The following CACHD1 variants were observed in gnomAD, a reference collection of about 807,000 sequenced individuals.
The protein encoded by CACHD1 is VWFA and cache domain-containing protein 1.
CACHD1 carries 71 observed loss-of-function variants against 138.7 expected under a neutral mutation model. The observed-to-expected ratio is 0.51, with a 90% confidence interval of 0.42 to 0.62. CACHD1 has a LOEUF of 0.62. CACHD1 is among the 20% of genes least tolerant of loss of function. CACHD1 has a pLI of 0.00. For missense variants in CACHD1, 1,389 were observed against 1,625.3 expected (o/e 0.85, Z 2.50); for synonymous variants, 578 against 591.5 (o/e 0.98, Z 0.33).
rs116480305 is a variant in CACHD1 at position 64,545,930 on chromosome 1, A to G, written c.199-4664A>G. 7.5e-3 allele frequency among the ~76,000 whole-genome samples: 1,140 copies of G among 152,344 alleles called. 20 individuals are homozygous for G. Among genetic ancestry groups the G allele is most frequent in the African/African-American group, 0.026 (1,086 of 41,568 alleles). Reference sequence around the variant, plus strand: ...TAAATGTAACAGAAGATTCTGTGAAATGTTTCTATTTAAAATAACATTTTA... The same window carrying G: ...TAAATGTAACAGAAGATTCTGTGAAGTGTTTCTATTTAAAATAACATTTTA... On this transcript the variant is annotated intron_variant, in intron 1 of 26. Transcript: ENST00000651257.
intron 1 of CACHD1, among the ~76,000 whole-genome samples, chr1:64,509,401 A>G (rs1276171553): frequency 6.6e-6 from 1 of 152,130 alleles, no homozygotes; most frequent in Non-Finnish European, 1.5e-5. Context: ...GAATTGATGA[A>G]AGAGCACCAT....
At chr1:64,658,917 C>A in intron 13 of CACHD1, 44 bp downstream of exon 13, 2 of 1,463,608 alleles carry the variant, frequency 1.4e-6, no homozygotes, top group South Asian at 1.4e-5. Flanking sequence ...CTTAGCAGCT[C>A]ACTGTAAATA....
At chr1:64,559,786 T>G (rs1451342690) in intron 2 of CACHD1, among the ~76,000 whole-genome samples, 1 of 152,216 alleles carries the variant, frequency 6.6e-6, no homozygotes, top group Non-Finnish European at 1.5e-5. Context: ...GGACCTGATA[T>G]TTTCTCTGCG....
Position 64,663,353 on chromosome 1 carries a change from C to T in CACHD1, c.1952-342C>T, listed in dbSNP as rs559782527. On this transcript the variant is annotated intron_variant, in intron 13 of 26. Coordinates refer to ENST00000651257, the MANE Select transcript of CACHD1 (RefSeq NM_020925.4). ...GGATCACGAGGTCAGGAGATCGAGA[C>T]CATCCTGGCTAACACGGTGAAACCC... is the stretch of plus-strand genomic sequence containing the variant. 3.3e-5 allele frequency among the ~76,000 whole-genome samples: 5 copies of T among 152,160 alleles called. No individual in the cohort carries two copies. In the South Asian group the frequency reaches 1.0e-3, roughly 32 times the overall value.
intron 1 of CACHD1, among the ~76,000 whole-genome samples, chr1:64,510,381 G>A (rs1043523428): frequency 1.3e-5 from 2 of 152,182 alleles, no homozygotes; most frequent in African/African-American, 4.8e-5. Context: ...CAGTATGTGT[G>A]TTACATACAC....
At chr1:64,488,401 G>A (rs1646255510) in intron 1 of CACHD1, among the ~76,000 whole-genome samples, 1 of 152,086 alleles carries the variant, frequency 6.6e-6, no homozygotes, top group Admixed American at 6.6e-5. Context: ...ATTTCTTGTT[G>A]AATTTTCATT....
In CACHD1 at chr1:64,647,745, T is replaced by G. The variant is rs192367960; in HGVS notation, c.1157-56T>G. 3.9e-4 allele frequency: 579 copies of G among 1,475,906 alleles called. 3 individuals are homozygous for G. Among genetic ancestry groups the G allele is most frequent in the Non-Finnish European group, 3.6e-5 (38 of 1,062,246 alleles). 91.4% of individuals were successfully genotyped at this position (1,475,906 alleles called of 1,614,324 possible). A position where few individuals can be genotyped will look rare whatever the true frequency, so the allele number is the denominator to read the frequency against. On this transcript the variant is annotated intron_variant, in intron 8 of 26. Transcript: ENST00000651257. ...GTATTTGATCTAAATGGCAAGAGGT[T>G]GAATGGATATAAACCATTTTGCTTT...
At chr1:64,582,782 G>A (rs1244145849) in intron 3 of CACHD1, among the ~76,000 whole-genome samples, 1 of 152,088 alleles carries the variant, frequency 6.6e-6, no homozygotes, top group East Asian at 1.9e-4. Context: ...CATGATTGAG[G>A]ATATTTTTAT....
chr1:64,610,137 T>G (rs1647476451), intron 4 of CACHD1, among the ~76,000 whole-genome samples: 1 of 152,134 alleles, frequency 6.6e-6, no homozygotes, highest in Non-Finnish European at 1.5e-5. Context: ...TCCCCATGAT[T>G]CAGTTACCTC....
At chr1:64,663,616 A>G (rs560845817) in intron 13 of CACHD1, 79 bp from the exon 14 acceptor site, 1 of 1,548,772 alleles carries the variant, frequency 6.5e-7, no homozygotes, top group East Asian at 2.3e-5. Context: ...ACAGATTGGC[A>G]GAGCCCGAGT....
chr1:64,547,070 T>A (rs892549495), intron 1 of CACHD1, among the ~76,000 whole-genome samples: 1 of 152,210 alleles, frequency 6.6e-6, no homozygotes, highest in African/African-American at 2.4e-5. Flanking sequence ...TAGGCCTCAA[T>A]GCTTTAACTT....
chr1:64,529,524 C>T (rs574986627), intron 1 of CACHD1, among the ~76,000 whole-genome samples: 1 of 152,280 alleles, frequency 6.6e-6, no homozygotes, highest in East Asian at 1.9e-4. Flanking sequence ...TTCCAGTTCT[C>T]TTTTTTGGTT....
Position 64,671,649 on chromosome 1 carries a change from T to G in CACHD1, c.2473T>G (p.Leu825Val). The G allele has an allele frequency of 1.2e-6, 2 of 1,614,086 alleles. No homozygotes were observed. The highest frequency in any genetic ancestry group is 1.7e-6 in the Non-Finnish European group (2 of 1,179,960). The change falls in exon 17 of 27, where the codon TTA (leucine) becomes GTA (valine). Residue 825 changes from leucine (L) to valine (V), a missense_variant. Leu to Val is a conservative substitution (Grantham distance 32). Transcript: ENST00000651257. ...RYFYKVLMDL[L>V]PVCNQDGGNK... ...CTTCTACAAAGTTCTGATGGACCTATTACCTGTCTGTAACCAAGATGGTGG... is the reference window on the plus strand; with the variant it reads ...CTTCTACAAAGTTCTGATGGACCTAGTACCTGTCTGTAACCAAGATGGTGG...
At chr1:64,638,255 T>C (rs753747607) in intron 7 of CACHD1, among the ~76,000 whole-genome samples, 6 of 152,206 alleles carry the variant, frequency 3.9e-5, no homozygotes, top group Non-Finnish European at 7.3e-5. Context: ...CAGACAATTA[T>C]TTAATGTCTA....
At chr1:64,648,800 T>C (rs1648994157) in intron 9 of CACHD1, among the ~76,000 whole-genome samples, 1 of 152,120 alleles carries the variant, frequency 6.6e-6, no homozygotes, top group Non-Finnish European at 1.5e-5. Context: ...ATCTGGAAAA[T>C]ATAACAGAAA....
At chr1:64,561,410 AT>A (rs1232639569) in intron 2 of CACHD1, among the ~76,000 whole-genome samples, 1 of 152,192 alleles carries the variant, frequency 6.6e-6, no homozygotes, top group Non-Finnish European at 1.5e-5. Flanking sequence ...AATATTGTAT[AT>A]TCTCACATAA....
intron 1 of CACHD1, among the ~76,000 whole-genome samples, chr1:64,473,062 T>C (rs1401698131): frequency 2.0e-5 from 3 of 152,076 alleles, no homozygotes; most frequent in Non-Finnish European, 2.9e-5. Context: ...CTCTGATCGG[T>C]GGGGGGTTTG....
chr1:64,631,521 G>A (rs1425003353), intron 5 of CACHD1, among the ~76,000 whole-genome samples: 1 of 152,094 alleles, frequency 6.6e-6, no homozygotes, highest in Non-Finnish European at 1.5e-5. Flanking sequence ...CTTAATTTGT[G>A]CCCAGGCTTT....
At position 64,675,471 on chromosome 1, in the gene CACHD1, A is replaced by G. The variant is rs757906419; in HGVS notation, c.2798A>G (p.Asn933Ser). 1 of 1,613,666 alleles carries G rather than the reference A, an allele frequency of 6.2e-7. No individual in the cohort carries two copies. Among genetic ancestry groups the G allele is most frequent in the Admixed American group, 1.7e-5 (1 of 59,988 alleles). ...KYRLARIPGT[N>S]AFVGIVNETC... ...AGATTAGCAAGGATCCCAGGAACCA[A>G]CGCGTTTGTTGGCATTGTCAACGAA... The change falls in exon 20 of 27, where the codon AAC (asparagine) becomes AGC (serine). Residue 933 changes from asparagine to serine, a missense_variant. Physicochemically the swap from Asn to Ser is conservative, Grantham distance 46. Coordinates refer to ENST00000651257, the MANE Select transcript of CACHD1 (RefSeq NM_020925.4).
Sources: allele counts gnomAD v4.1 joint callset (sites outside exome capture counted in the v4.1 genomes callset), GRCh38; gene constraint gnomAD v4.1.1; transcripts MANE v1.5; gene names NCBI Gene and HGNC (gene_info 2026-07-23, HGNC 2026-07-21).